The following DIPK1A variants were observed in gnomAD, a reference collection of about 807,000 sequenced individuals.
The protein encoded by DIPK1A is divergent protein kinase domain 1A.
A neutral mutation model predicts 40.8 loss-of-function variants in DIPK1A; 27 were observed. That is an observed-to-expected ratio of 0.66 (90% CI 0.49 to 0.91). DIPK1A has a LOEUF of 0.91. Among genes scored for constraint, DIPK1A ranks in the 40% least tolerant of loss-of-function variants. The pLI, the probability that DIPK1A is intolerant of heterozygous loss-of-function variation, is 0.00. For synonymous variants in DIPK1A, 166 were observed against 171.3 expected, an observed-to-expected ratio of 0.97 and a Z score of 0.24; for missense variants, 412 against 505.7, an observed-to-expected ratio of 0.81 and a Z score of 1.78.
rs1342296223 is a variant in DIPK1A, at chr1:92,846,822, T to C, written c.474+361A>G. 3.0e-3 allele frequency among the ~76,000 whole-genome samples: 20 copies of C among 6,618 alleles called. 5 individuals are homozygous for C. The African/African-American group carries it at 0.032, about 11-fold the overall frequency. The allele number at this position is 6,618 out of a possible 152,430, so 4.3% of individuals were successfully genotyped here. ...ATATATATATATATATATATATATA[T>C]ATATATATATATATATATATGTGTG... On this transcript the variant is annotated intron_variant, in intron 4 of 4. Coordinates refer to ENST00000370310, the MANE Select transcript of DIPK1A (RefSeq NM_001006605.5).
chr1:92,891,946 A>T (rs1430026296), intron 1 of DIPK1A, among the ~76,000 whole-genome samples: 1 of 152,260 alleles, frequency 6.6e-6, no homozygotes, highest in South Asian at 2.1e-4. Flanking sequence ...GCAAGGCGGC[A>T]GCGAGGCTGG....
rs557436653 is a variant in DIPK1A, at chr1:92,895,760, G to A, written c.55-19330C>T. ...GATTGTATATCTAGAAAACCCCATC[G>A]TCTCAGCCCAAAATCTCCTTAAGCT... On this transcript the variant is annotated intron_variant, in intron 1 of 4. Coordinates refer to ENST00000370310, the MANE Select transcript of DIPK1A (RefSeq NM_001006605.5). Among the ~76,000 whole-genome samples, 1,044 of 152,122 alleles carry A rather than the reference G, an allele frequency of 6.9e-3. 7 individuals carry two copies. Among genetic ancestry groups the A allele is most frequent in the Admixed American group, 0.012 (188 of 15,266 alleles).
chr1:92,891,916 C>G (rs1557472086), intron 1 of DIPK1A, among the ~76,000 whole-genome samples: 2 of 152,162 alleles, frequency 1.3e-5, no homozygotes, highest in African/African-American at 2.4e-5. Context: ...ATTGCTAGCA[C>G]AGCAGTCTGA....
At chr1:92,869,227 T>C (rs1647719913) in intron 2 of DIPK1A, among the ~76,000 whole-genome samples, 1 of 151,920 alleles carries the variant, frequency 6.6e-6, no homozygotes, top group Non-Finnish European at 1.5e-5. Flanking sequence ...AGTGGTGCTA[T>C]CATGGCTCAC....
chr1:92,887,466 G>T (rs994763110), intron 1 of DIPK1A, among the ~76,000 whole-genome samples: 8 of 151,646 alleles, frequency 5.3e-5, no homozygotes, highest in African/African-American at 1.9e-4. Context: ...AGAAAACTAT[G>T]CAACTGGACT....
intron 1 of DIPK1A, among the ~76,000 whole-genome samples, chr1:92,893,470 T>C (rs900159491): frequency 6.0e-5 from 9 of 151,180 alleles, no homozygotes; most frequent in Non-Finnish European, 1.0e-4. Flanking sequence ...TTTGTCACCA[T>C]CAGGCCTGCC....
At chr1:92,888,695 AT>A (rs1353639839) in intron 1 of DIPK1A, among the ~76,000 whole-genome samples, 1 of 151,996 alleles carries the variant, frequency 6.6e-6, no homozygotes, top group African/African-American at 2.4e-5. Context: ...ACCATCATTT[AT>A]TTTTTGTCTT....
At chr1:92,923,116 C>A (rs1650334657) in intron 1 of DIPK1A, among the ~76,000 whole-genome samples, 1 of 152,084 alleles carries the variant, frequency 6.6e-6, no homozygotes. Context: ...CCTATTTGCT[C>A]CTTATACTTT....
intron 4 of DIPK1A, chr1:92,834,686 C>T: frequency 6.6e-7 from 1 of 1,514,454 alleles, no homozygotes; most frequent in Non-Finnish European, 9.1e-7. Context: ...CATCTGTGTC[C>T]ATCAATGTTT....
intron 4 of DIPK1A, chr1:92,834,651 A>G: frequency 8.1e-7 from 1 of 1,239,468 alleles, no homozygotes; most frequent in Non-Finnish European, 1.2e-6. Flanking sequence ...CCCAGCTAAG[A>G]GTCTTAAGCA....
chr1:92,851,562 AC>A (rs1410508888), intron 2 of DIPK1A, among the ~76,000 whole-genome samples: 2 of 92,734 alleles, frequency 2.2e-5, no homozygotes, highest in African/African-American at 6.8e-5. Context: ...AAAAAAAAAA[AC>A]TTCTGGTTTT....
chr1:92,896,655 G>C lies in DIPK1A; in HGVS notation c.55-20225C>G, dbSNP rs972621185. On this transcript the variant is annotated intron_variant, in intron 1 of 4. Coordinates refer to ENST00000370310, the MANE Select transcript of DIPK1A (RefSeq NM_001006605.5). ...GCAACAAAAGCCAAAATTGACAAAT[G>C]GGATCTAATTAAACTAAAGAGCTTC... 1.8e-3 allele frequency among the ~76,000 whole-genome samples: 267 copies of C among 151,574 alleles called. 2 individuals carry two copies. Among genetic ancestry groups the C allele is most frequent in the African/African-American group, 6.1e-3 (252 of 41,278 alleles).
chr1:92,840,026 TA>T (rs1435470876), downstream of DIPK1A, among the ~76,000 whole-genome samples: 19 of 150,296 alleles, frequency 1.3e-4, no homozygotes, highest in Non-Finnish European at 7.4e-5. Context: ...TTTTTTTTTT[TA>T]ATTTTTGGTA....
intron 1 of DIPK1A, chr1:92,932,990 G>C (rs1650816533): frequency 6.6e-6 from 1 of 152,210 alleles, no homozygotes; most frequent in Admixed American, 6.5e-5. Flanking sequence ...TACCACTCTG[G>C]TGAGGGATGT....
intron 1 of DIPK1A, among the ~76,000 whole-genome samples, chr1:92,926,197 T>C (rs1650498217): frequency 1.3e-5 from 2 of 152,234 alleles, no homozygotes; most frequent in Admixed American, 6.5e-5. Flanking sequence ...ATTAAAGCTA[T>C]AAATTTCTCT....
At chr1:92,837,864 T>C (rs1687188803), downstream of DIPK1A, 2 of 537,032 alleles carry the variant, frequency 3.7e-6, no homozygotes, top group East Asian at 6.6e-5. Context: ...AGATGTCATT[T>C]CTGTAATCAT....
At chr1:92,848,209 AT>A (rs764104057) in intron 3 of DIPK1A, among the ~76,000 whole-genome samples, 2 of 152,228 alleles carry the variant, frequency 1.3e-5, no homozygotes, top group East Asian at 1.9e-4. Flanking sequence ...ACATAAAAAA[AT>A]AAATAAGATC....
In DIPK1A at chr1:92,912,446, A is replaced by G. The variant is rs1476885152; in HGVS notation, c.55-36016T>C. 3.3e-5 allele frequency among the ~76,000 whole-genome samples: 5 copies of G among 152,238 alleles called. No individual in the cohort carries two copies. The East Asian group carries it at 9.6e-4, about 29-fold the overall frequency. ...AACATTAATGTAATTTTAAAAGAAG[A>G]TCTCTCATTATAGGTCCAAAAAATT... On this transcript the variant is annotated intron_variant, in intron 1 of 4. Transcript: ENST00000370310.
intron 1 of DIPK1A, among the ~76,000 whole-genome samples, chr1:92,925,669 T>C (rs1249107754): frequency 6.6e-6 from 1 of 152,002 alleles, no homozygotes; most frequent in East Asian, 1.9e-4. Context: ...TATTTTTGTA[T>C]TTTTAGTAGA....
Sources: allele counts gnomAD v4.1 joint callset (sites outside exome capture counted in the v4.1 genomes callset), GRCh38; gene constraint gnomAD v4.1.1; transcripts MANE v1.5; gene names NCBI Gene and HGNC (gene_info 2026-07-23, HGNC 2026-07-21).